Variants in RAPH1 observed in about 807,000 individuals in gnomAD.
RAPH1 encodes Ras association (RalGDS/AF-6) and pleckstrin homology domains 1, also known as ras-associated and pleckstrin homology domains-containing protein 1.
In RAPH1, 18 loss-of-function variants were observed where a neutral mutation model predicts 88.1. The observed-to-expected ratio is 0.20, with a 90% CI of 0.14 to 0.30. RAPH1 has a LOEUF of 0.30. Ranked by LOEUF, RAPH1 falls within the 10% of genes least tolerant of loss-of-function variation. The pLI is 1.00. For missense variants in RAPH1, 1,448 were observed against 1,543.2 expected, an observed-to-expected ratio of 0.94 and a Z score of 1.03; for synonymous variants, 587 against 559.0, an observed-to-expected ratio of 1.05 and a Z score of -0.71.
rs191567212 is a variant in RAPH1 at position 203,495,884 on chromosome 2, C to T, written c.1-531G>A. ...TTTTGTTTCTTTCTATTCTACCCTC[C>T]TACCCTCACTTTCTATCCCATTTGT... On this transcript the variant is annotated intron_variant, in intron 1 of 13. Coordinates refer to ENST00000319170, the MANE Select transcript of RAPH1 (RefSeq NM_213589.3). Among the ~76,000 whole-genome samples the T allele has an allele frequency of 7.7e-4, 118 of 152,318 alleles. 1 individual carries two copies. The highest frequency in any genetic ancestry group is 3.4e-3 in the Middle Eastern group (1 of 294).
chr2:203,520,319 G>A (rs2105962303), intron 1 of RAPH1, among the ~76,000 whole-genome samples: 1 of 129,032 alleles, frequency 7.8e-6, no homozygotes, highest in Admixed American at 8.1e-5. Flanking sequence ...GTGACAAAGG[G>A]AGCCCCTGCC....
intron 13 of RAPH1, 113 bp downstream of exon 13, chr2:203,444,755 A>G (rs1343231238): frequency 7.8e-6 from 7 of 901,070 alleles, no homozygotes; most frequent in Non-Finnish European, 1.2e-5. Flanking sequence ...AAATTAATAA[A>G]GGAGACTGAA....
intron 7 of RAPH1, among the ~76,000 whole-genome samples, chr2:203,457,943 TACA>T (rs1559459165): frequency 6.6e-6 from 1 of 152,206 alleles, no homozygotes; most frequent in Non-Finnish European, 1.5e-5. Flanking sequence ...AATTCATAAG[TACA>T]ACAAGTAAGG....
intron 1 of RAPH1, among the ~76,000 whole-genome samples, chr2:203,524,182 T>C (rs930398745): frequency 6.6e-6 from 1 of 152,132 alleles, no homozygotes; most frequent in Non-Finnish European, 1.5e-5. Flanking sequence ...ACTAAGAACA[T>C]TACATTGCTC....
intron 1 of RAPH1, among the ~76,000 whole-genome samples, chr2:203,519,809 A>G (rs1689782827): frequency 6.6e-6 from 1 of 152,250 alleles, no homozygotes; most frequent in Admixed American, 6.5e-5. Context: ...CATCTAAGTT[A>G]TCTACACAGA....
intron 13 of RAPH1, chr2:203,441,653 TA>T: frequency 7.6e-7 from 1 of 1,322,436 alleles, no homozygotes; most frequent in South Asian, 2.3e-5. Flanking sequence ...CTAGACCATC[TA>T]ACAATCTAGG....
At chr2:203,531,492 A>T (rs1264995483) in intron 1 of RAPH1, among the ~76,000 whole-genome samples, 1 of 152,238 alleles carries the variant, frequency 6.6e-6, no homozygotes, top group African/African-American at 2.4e-5. Context: ...CATATATTTG[A>T]TAAGGGATTA....
At chr2:203,516,907 G>A (rs1189036058) in intron 1 of RAPH1, among the ~76,000 whole-genome samples, 6 of 151,818 alleles carry the variant, frequency 4.0e-5, no homozygotes, top group South Asian at 2.1e-4. Context: ...GGTGGTGGGC[G>A]CCTGTAGTTC....
At position 203,438,770 on chromosome 2, in the gene RAPH1, C is replaced by T. The variant is rs2098500534; in HGVS notation, c.*667G>A. 6.5e-6 allele frequency: 1 copy of T among 154,824 alleles called. No individual in the cohort carries two copies. 9.6% of individuals were successfully genotyped at this position (154,824 alleles called of 1,614,324 possible). ...TGTATTTACTTTCTATGCACAACCA[C>T]ATACAGATGATGTCTGTGAACATTT... On this transcript the variant is annotated 3_prime_UTR_variant, in exon 14 of 14. Transcript: ENST00000319170.
intron 12 of RAPH1, chr2:203,446,909 T>TAA (rs34766351): frequency 6.8e-5 from 9 of 133,202 alleles, no homozygotes; most frequent in South Asian, 2.5e-4. Flanking sequence ...CTGGCTAATT[T>TAA]AAAAAAAAAA....
intron 10 of RAPH1, 37 bp downstream of exon 10, chr2:203,454,393 C>A: frequency 7.3e-7 from 1 of 1,364,996 alleles, no homozygotes. Context: ...CTATGTCTAA[C>A]ATCAATTAAA....
At chr2:203,460,161 G>C (rs570518937) in intron 6 of RAPH1, 133 bp from the exon 7 acceptor site, 72 of 700,650 alleles carry the variant, frequency 1.0e-4, no homozygotes, top group Non-Finnish European at 1.2e-4. Flanking sequence ...AAATTATCTG[G>C]TATTCCCTAA....
chr2:203,448,595 T>C lies in RAPH1; in HGVS notation c.1512+143A>G. 2.0e-6 allele frequency: 1 copy of C among 512,418 alleles called. No individual in the cohort carries two copies. The highest frequency in any genetic ancestry group is 3.2e-5 in the East Asian group (1 of 30,936). The allele number at this position is 512,418 out of a possible 1,614,324, so 31.7% of individuals were successfully genotyped here. A position where few individuals can be genotyped will look rare whatever the true frequency, so the allele number is the denominator to read the frequency against. On this transcript the variant is annotated intron_variant, in intron 11 of 13. Transcript: ENST00000319170. This position sits in a 1 kb window ranked among gnomAD's most constrained non-coding sequence, Gnocchi z 4.1. ...ATAAACAAGGAAAAAAGACAACATT[T>C]AAAACTTGAAACTTAGGCCTGAAAA...
chr2:203,478,069 G>T (rs1184631308), intron 4 of RAPH1, among the ~76,000 whole-genome samples: 2 of 148,748 alleles, frequency 1.3e-5, no homozygotes, highest in Admixed American at 6.8e-5. Flanking sequence ...GTCTTGCTCA[G>T]TCGCCCAGGC....
At chr2:203,493,318 T>G (rs749490736) in intron 2 of RAPH1, among the ~76,000 whole-genome samples, 2 of 152,168 alleles carry the variant, frequency 1.3e-5, no homozygotes, top group Non-Finnish European at 2.9e-5. Context: ...ATGTAGTTCC[T>G]AGTTCACCCA....
At chr2:203,487,235 A>G (rs914283117) in intron 4 of RAPH1, among the ~76,000 whole-genome samples, 3 of 152,240 alleles carry the variant, frequency 2.0e-5, no homozygotes, top group African/African-American at 7.2e-5. Context: ...ATATCAACAT[A>G]CAAAACAAAG....
intron 1 of RAPH1, among the ~76,000 whole-genome samples, chr2:203,502,518 A>C (rs1688778557): frequency 6.6e-6 from 1 of 152,226 alleles, no homozygotes; most frequent in Non-Finnish European, 1.5e-5. Context: ...TCAAATTCAA[A>C]GGCAATTTTA....
chr2:203,451,135 T>C (rs1446923140), intron 10 of RAPH1, among the ~76,000 whole-genome samples: 1 of 152,180 alleles, frequency 6.6e-6, no homozygotes, highest in Non-Finnish European at 1.5e-5. Flanking sequence ...ACTTTCCTTA[T>C]GGTCATCCAG....
At chr2:203,508,625 T>C (rs895512607) in intron 1 of RAPH1, among the ~76,000 whole-genome samples, 1 of 152,082 alleles carries the variant, frequency 6.6e-6, no homozygotes, top group African/African-American at 2.4e-5. Context: ...AAAATCTGCA[T>C]ACAAGCAGAC....
Sources: gnomAD v4.1 joint callset for allele counts (sites outside exome capture counted in the v4.1 genomes callset) on GRCh38, gnomAD v4.1.1 for gene constraint, Gnocchi (gnomAD v3.1) non-coding constraint, MANE v1.5 for transcripts, NCBI Gene and HGNC (gene_info 2026-07-23, HGNC 2026-07-21) for gene names.